The following HOMER1 variants were observed in gnomAD, a reference collection of about 807,000 sequenced individuals.
HOMER1 encodes the protein homer scaffold protein 1.
In HOMER1, 3 loss-of-function variants were observed where a neutral mutation model predicts 48.9. The observed-to-expected ratio is 0.06, with a 90% CI of 0.03 to 0.16. HOMER1 has a LOEUF of 0.16. Among genes scored for constraint, HOMER1 ranks in the 10% least tolerant of loss-of-function variants. HOMER1 has a pLI of 1.00. For missense variants in HOMER1, 247 were observed against 411.4 expected (o/e 0.60, Z 3.46); for synonymous variants, 134 against 146.4 (o/e 0.92, Z 0.61).
At chr5:79,494,108 CT>C (rs1433433023) in intron 1 of HOMER1, among the ~76,000 whole-genome samples, 1 of 152,196 alleles carries the variant, frequency 6.6e-6, no homozygotes, top group Non-Finnish European at 1.5e-5. Context: ...CTATTCTCAC[CT>C]GACAGCTTTC....
intron 2 of HOMER1, among the ~76,000 whole-genome samples, chr5:79,451,843 G>A (rs1358063397): frequency 6.6e-6 from 1 of 152,088 alleles, no homozygotes; most frequent in South Asian, 2.1e-4. Context: ...TTACAGGCGT[G>A]AGCCACTGCG....
intron 8 of HOMER1, among the ~76,000 whole-genome samples, chr5:79,383,706 T>G (rs1204569298): frequency 6.6e-6 from 1 of 152,090 alleles, no homozygotes; most frequent in Non-Finnish European, 1.5e-5. Context: ...TATACAACAA[T>G]TCTTCTCATT....
Position 79,375,895 on chromosome 5 carries a change from T to G in HOMER1, c.*114A>C. The G allele has an allele frequency of 5.6e-6, 3 of 533,700 alleles. No individual in the cohort carries two copies. Among genetic ancestry groups the G allele is most frequent in the Admixed American group, 4.0e-5 (1 of 24,794 alleles). The allele number at this position is 533,700 out of a possible 1,614,324, so 33.1% of individuals were successfully genotyped here. A position where few individuals can be genotyped will look rare whatever the true frequency, so the allele number is the denominator to read the frequency against. ...TCAAAAGATCCTCCTCCTGGAGGAGTGATATTCAATTTTTTTTTTTTTTTT... is the reference window on the plus strand; with the variant it reads ...TCAAAAGATCCTCCTCCTGGAGGAGGGATATTCAATTTTTTTTTTTTTTTT... On this transcript the variant is annotated 3_prime_UTR_variant, in exon 9 of 9. Transcript: ENST00000334082.
chr5:79,485,540 T>C (rs1485671860), intron 1 of HOMER1, among the ~76,000 whole-genome samples: 1 of 152,244 alleles, frequency 6.6e-6, no homozygotes, highest in Non-Finnish European at 1.5e-5. Context: ...TAATACATGA[T>C]ATTTAGATTT....
chr5:79,428,124 A>G (rs1750321198), intron 5 of HOMER1, among the ~76,000 whole-genome samples: 1 of 152,238 alleles, frequency 6.6e-6, no homozygotes, highest in African/African-American at 2.4e-5. Flanking sequence ...TAAACCATCA[A>G]TTAGCTTTTA....
rs1749549557 is a variant in HOMER1 at position 79,402,152 on chromosome 5, A to G, written c.528-97T>C. 5.8e-6 allele frequency: 6 copies of G among 1,031,768 alleles called. No homozygotes were observed. In the South Asian group the frequency reaches 1.0e-4, roughly 18 times the overall value. 63.9% of individuals were successfully genotyped at this position (1,031,768 alleles called of 1,614,324 possible). On this transcript the variant is annotated intron_variant, in intron 5 of 8. Transcript: ENST00000334082. ...AGTTCTATTGTAGGGTTTATAGTCT[A>G]AGAATGTTTTCTTTTCTTTTTTTTT...
intron 1 of HOMER1, among the ~76,000 whole-genome samples, chr5:79,460,784 G>A: frequency 6.6e-6 from 1 of 152,160 alleles, no homozygotes; most frequent in East Asian, 1.9e-4. Flanking sequence ...GCACAAGATA[G>A]CTTTCCGCAA....
chr5:79,400,661 AT>A (rs961360419), intron 6 of HOMER1, among the ~76,000 whole-genome samples: 2 of 149,424 alleles, frequency 1.3e-5, no homozygotes, highest in African/African-American at 4.9e-5. Flanking sequence ...CCAGCTTGGA[AT>A]TTTTTTTAAA....
chr5:79,509,091 T>C (rs1026057689), intron 1 of HOMER1, among the ~76,000 whole-genome samples: 1 of 152,210 alleles, frequency 6.6e-6, no homozygotes, highest in Non-Finnish European at 1.5e-5. Context: ...ACCCTGCAGT[T>C]TGAGGCAGAA....
intron 5 of HOMER1, among the ~76,000 whole-genome samples, chr5:79,437,859 G>A (rs987721522): frequency 6.6e-6 from 1 of 152,096 alleles, no homozygotes; most frequent in Admixed American, 6.5e-5. Context: ...GTCTCACTAT[G>A]TTGCCCAGGC....
chr5:79,461,155 T>C (rs535062462), intron 1 of HOMER1, among the ~76,000 whole-genome samples: 42 of 152,260 alleles, frequency 2.8e-4, no homozygotes, highest in African/African-American at 9.9e-4. Flanking sequence ...GTAATTTCCA[T>C]TTAGAAAAAA....
intron 1 of HOMER1, among the ~76,000 whole-genome samples, chr5:79,484,648 G>C (rs1752045680): frequency 6.6e-6 from 1 of 152,102 alleles, no homozygotes; most frequent in Non-Finnish European, 1.5e-5. Context: ...CCATTTTGAA[G>C]ACCACCTTAA....
At chr5:79,435,500 T>A (rs1403128579) in intron 5 of HOMER1, among the ~76,000 whole-genome samples, 1 of 152,216 alleles carries the variant, frequency 6.6e-6, no homozygotes, top group African/African-American at 2.4e-5. Context: ...ATTTTTTTGC[T>A]ATTCATTCTT....
intron 1 of HOMER1, among the ~76,000 whole-genome samples, chr5:79,500,525 G>A (rs959438364): frequency 6.6e-6 from 1 of 152,102 alleles, no homozygotes; most frequent in Non-Finnish European, 1.5e-5. Flanking sequence ...CACCACAGAC[G>A]GCAAAACCAA....
At chr5:79,460,741 T>C (rs768360442) in intron 1 of HOMER1, among the ~76,000 whole-genome samples, 6 of 152,210 alleles carry the variant, frequency 3.9e-5, no homozygotes, top group Non-Finnish European at 7.4e-5. Flanking sequence ...ATCTAGTGGG[T>C]AGCATCCAGG....
At position 79,372,999 on chromosome 5, in the gene HOMER1, G is replaced by A. The variant is rs1019993412; in HGVS notation, c.*3010C>T. The stretch of plus-strand genomic sequence containing the variant: ...TGGAGATCTTCTATAGAGACAAGGA[G>A]AGATGCAACTTCGTGAGCATGTTTT... On this transcript the variant is annotated 3_prime_UTR_variant, in exon 9 of 9. Transcript: ENST00000334082. 1 of 152,120 alleles carries A rather than the reference G, an allele frequency of 6.6e-6. No individual in the cohort carries two copies. Among genetic ancestry groups the A allele is most frequent in the Admixed American group, 6.6e-5 (1 of 15,262 alleles). 9.4% of individuals were successfully genotyped at this position (152,120 alleles called of 1,614,324 possible).
chr5:79,456,145 CAA>C (rs66567622), intron 2 of HOMER1, among the ~76,000 whole-genome samples: 145 of 112,464 alleles, frequency 1.3e-3, no homozygotes, highest in African/African-American at 2.2e-3. Flanking sequence ...GACTCCGTCT[CAA>C]AAAAAAAAAA....
chr5:79,484,713 T>C (rs556592682), intron 1 of HOMER1, among the ~76,000 whole-genome samples: 1 of 152,268 alleles, frequency 6.6e-6, no homozygotes, highest in Admixed American at 6.5e-5. Flanking sequence ...AAAAAAGATA[T>C]ACCTCGCAAA....
At chr5:79,501,128 G>C (rs1752575653) in intron 1 of HOMER1, among the ~76,000 whole-genome samples, 1 of 151,722 alleles carries the variant, frequency 6.6e-6, no homozygotes, top group Non-Finnish European at 1.5e-5. Flanking sequence ...GTACCACCAA[G>C]CCTGGCTAAT....
Sources: allele counts gnomAD v4.1 joint callset (sites outside exome capture counted in the v4.1 genomes callset), GRCh38; gene constraint gnomAD v4.1.1; transcripts MANE v1.5; gene names NCBI Gene and HGNC (gene_info 2026-07-23, HGNC 2026-07-21).